The following MTRF1 variants were observed in gnomAD, a reference collection of about 807,000 sequenced individuals.
MTRF1 encodes mitochondrial translation release factor 1.
In MTRF1, 51 loss-of-function variants were observed where a neutral mutation model predicts 62.9. The ratio of observed to expected loss-of-function variants is 0.81; its 90% CI spans 0.65 to 1.02. The LOEUF (loss-of-function observed/expected upper bound fraction) is 1.02, where lower values mean the gene tolerates loss of function less well. Among genes scored for constraint, MTRF1 ranks in the 50% least tolerant of loss-of-function variants. The pLI is 0.00. For missense variants in MTRF1, 446 were observed against 530.0 expected, an observed-to-expected ratio of 0.84 and a Z score of 1.56; for synonymous variants, 158 against 181.9, an observed-to-expected ratio of 0.87 and a Z score of 1.06.
At chr13:41,297,674 C>A in the MTRF1 span, among the ~76,000 whole-genome samples, 2 of 151,624 alleles carry the variant, frequency 1.3e-5, no homozygotes, top group African/African-American at 4.9e-5. Flanking sequence ...CTTCCGGGTT[C>A]AAGTGGTTCT....
chr13:41,251,148 C>G (rs1204146117), intron 5 of MTRF1, among the ~76,000 whole-genome samples: 1 of 152,164 alleles, frequency 6.6e-6, no homozygotes, highest in African/African-American at 2.4e-5. Flanking sequence ...ACTGGATAAA[C>G]AACAGCCCCT....
chr13:41,262,721 G>A (rs1290420625), intron 1 of MTRF1, among the ~76,000 whole-genome samples: 1 of 152,174 alleles, frequency 6.6e-6, no homozygotes, highest in African/African-American at 2.4e-5. Flanking sequence ...AGCTACCCAG[G>A]AGACTGAGGC....
the MTRF1 span, among the ~76,000 whole-genome samples, chr13:41,290,198 C>T: frequency 8.2e-5 from 11 of 133,490 alleles, no homozygotes; most frequent in East Asian, 2.0e-3. Context: ...CCGGGTTTTA[C>T]GCCATTCTCC....
chr13:41,312,006 C>T, the MTRF1 span, among the ~76,000 whole-genome samples: 2 of 152,292 alleles, frequency 1.3e-5, no homozygotes, highest in African/African-American at 4.8e-5. Context: ...CTCTGCTTTG[C>T]GTTTAGTTAG....
At position 41,217,213 on chromosome 13, in the gene MTRF1, C is replaced by T. The variant is rs1168987368; in HGVS notation, c.1240G>A (p.Gly414Arg). ...VRDIKEFLCG[G>R]KGLDQLIQRL... ...TGAATTAGCTGATCCAGGCCCTTCC[C>T]ACCACATAAAAATTCCTGGTAAAAG... The change falls in exon 10 of 10, where the codon GGG (glycine) becomes AGG (arginine). Residue 414 changes from glycine to arginine, a missense_variant. Gly to Arg is a moderately radical substitution (Grantham distance 125, BLOSUM62 -2). Coordinates refer to ENST00000379480, the MANE Select transcript of MTRF1 (RefSeq NM_004294.4). The T allele has an allele frequency of 6.2e-7, 1 of 1,602,648 alleles. No homozygotes were observed. The highest frequency in any genetic ancestry group is 1.1e-5 in the South Asian group (1 of 88,156).
chr13:41,260,851 G>A lies in MTRF1; in HGVS notation c.57C>T (p.Leu19=), dbSNP rs2040364402. The A allele has an allele frequency of 2.5e-6, 4 of 1,613,596 alleles. No individual in the cohort carries two copies. In the East Asian group the frequency reaches 8.9e-5, roughly 36 times the overall value. ...LFRHPSLNGY[L]QCHIQLHSHQ... ...GAGAATGGAGCTGGATGTGACACTGGAGGTAACCATTAAGAGATGGATGTC... is the reference window on the plus strand; with the variant it reads ...GAGAATGGAGCTGGATGTGACACTGAAGGTAACCATTAAGAGATGGATGTC... The change falls in exon 2 of 10, where the codon CTC becomes CTT. Residue 19 remains leucine (L), a synonymous_variant. Transcript: ENST00000379480.
At chr13:41,243,088 G>A (rs181059131) in intron 5 of MTRF1, among the ~76,000 whole-genome samples, 60 of 152,086 alleles carry the variant, frequency 3.9e-4, no homozygotes, top group African/African-American at 1.3e-3. Context: ...GCGTGGTGGC[G>A]CGCACCTGTC....
chr13:41,274,689 A>T, the MTRF1 span, among the ~76,000 whole-genome samples: 7 of 150,342 alleles, frequency 4.7e-5, no homozygotes, highest in South Asian at 4.2e-4. Context: ...AATAATAATA[A>T]TAATATTATT....
chr13:41,303,229 A>C, the MTRF1 span, among the ~76,000 whole-genome samples: 1 of 152,124 alleles, frequency 6.6e-6, no homozygotes. Flanking sequence ...AATACATTTT[A>C]TTTCAACTGT....
chr13:41,298,328 G>C, the MTRF1 span, among the ~76,000 whole-genome samples: 1 of 2,946 alleles, frequency 3.4e-4, no homozygotes, highest in South Asian at 0.012. Flanking sequence ...CCAGTTCTTC[G>C]TCTTATCCAT....
At chr13:41,235,841 A>ACC in intron 6 of MTRF1, 1 of 78,390 alleles carries the variant, frequency 1.3e-5, no homozygotes, top group Non-Finnish European at 2.7e-5. Context: ...ACAGACACAG[A>ACC]CACACACACA....
the MTRF1 span, chr13:41,311,177 C>G: frequency 1.4e-5 from 6 of 421,268 alleles, no homozygotes; most frequent in Non-Finnish European, 2.1e-5. Context: ...CCCCGCTACG[C>G]CCCCGTAGTC....
At chr13:41,288,123 T>C in the MTRF1 span, 3 of 503,882 alleles carry the variant, frequency 6.0e-6, no homozygotes, top group Non-Finnish European at 8.0e-6. Flanking sequence ...GGGCATAATC[T>C]GTCATAATCT....
intron 5 of MTRF1, among the ~76,000 whole-genome samples, chr13:41,251,780 A>T (rs2039088476): frequency 6.6e-6 from 1 of 152,240 alleles, no homozygotes; most frequent in African/African-American, 2.4e-5. Context: ...GAAAACTTTC[A>T]GATGGATTAA....
chr13:41,304,012 C>T, the MTRF1 span, among the ~76,000 whole-genome samples: 1 of 152,152 alleles, frequency 6.6e-6, no homozygotes, highest in East Asian at 1.9e-4. Flanking sequence ...GCTATTCCTT[C>T]ACCACTTTAC....
intron 7 of MTRF1, among the ~76,000 whole-genome samples, chr13:41,233,406 A>G (rs1362117816): frequency 6.6e-6 from 1 of 152,236 alleles, no homozygotes; most frequent in Admixed American, 6.5e-5. Flanking sequence ...AAAAAAATTA[A>G]GGAGTTAAAT....
At chr13:41,263,290 C>G in intron 1 of MTRF1, 195 bp downstream of exon 1, 6 of 1,289,388 alleles carry the variant, frequency 4.7e-6, no homozygotes, top group Non-Finnish European at 6.1e-6. Context: ...AACAGCACGA[C>G]TTCTCCATTA....
chr13:41,288,399 G>A, the MTRF1 span: 1 of 192,212 alleles, frequency 5.2e-6, no homozygotes, highest in South Asian at 8.5e-5. Flanking sequence ...TGGTAGGCAG[G>A]TGCATGGCTG....
chr13:41,289,221 A>T, the MTRF1 span, among the ~76,000 whole-genome samples: 1 of 138,498 alleles, frequency 7.2e-6, no homozygotes, highest in Non-Finnish European at 1.5e-5. Context: ...TGCAGTGAAA[A>T]GTGGATTTAA....
Sources: gnomAD v4.1 joint callset for allele counts (sites outside exome capture counted in the v4.1 genomes callset) on GRCh38, gnomAD v4.1.1 for gene constraint, MANE v1.5 for transcripts, NCBI Gene and HGNC (gene_info 2026-07-23, HGNC 2026-07-21) for gene names.